RNF24: variants seen among roughly 807,000 people sequenced by gnomAD.
RNF24 encodes ring finger protein 24.
RNF24 carries 14 observed loss-of-function variants against 20.0 expected under a neutral mutation model. The observed-to-expected ratio is 0.70, with a 90% CI of 0.46 to 1.10. The LOEUF (loss-of-function observed/expected upper bound fraction) is 1.10. Among genes scored for constraint, RNF24 ranks in the 50% least tolerant of loss-of-function variants. The pLI is 0.00. For missense variants in RNF24, 124 were observed against 177.6 expected, an observed-to-expected ratio of 0.70 and a Z score of 1.71; for synonymous variants, 45 against 61.1, an observed-to-expected ratio of 0.74 and a Z score of 1.23.
At chr20:4,007,274 T>C (rs1981946133) in intron 1 of RNF24, among the ~76,000 whole-genome samples, 2 of 152,180 alleles carry the variant, frequency 1.3e-5, no homozygotes, top group Admixed American at 1.3e-4. Context: ...GCAGAAAAGC[T>C]GTAGGAATCC....
At chr20:3,984,948 A>G (rs375897583) in intron 1 of RNF24, among the ~76,000 whole-genome samples, 5 of 152,050 alleles carry the variant, frequency 3.3e-5, no homozygotes, top group East Asian at 3.9e-4. Flanking sequence ...GCAAAAGTCT[A>G]TTTTTCTACA....
At chr20:3,995,309 C>T (rs1980771700) in intron 1 of RNF24, among the ~76,000 whole-genome samples, 1 of 152,078 alleles carries the variant, frequency 6.6e-6, no homozygotes, top group Non-Finnish European at 1.5e-5. Context: ...GCCTGAGCCA[C>T]ATCTCCCTGG....
chr20:3,939,068 A>AT (rs1254733284), intron 4 of RNF24, among the ~76,000 whole-genome samples: 9 of 152,048 alleles, frequency 5.9e-5, no homozygotes, highest in South Asian at 2.1e-4. Context: ...AAGTTTAACT[A>AT]TTTTTTCTTA....
intron 1 of RNF24, among the ~76,000 whole-genome samples, chr20:4,011,306 C>T (rs907076441): frequency 2.0e-5 from 3 of 152,176 alleles, no homozygotes; most frequent in Non-Finnish European, 4.4e-5. Context: ...CATTTCCAGA[C>T]ATGTAACTTC....
At chr20:3,939,570 C>A (rs2090931325) in intron 4 of RNF24, among the ~76,000 whole-genome samples, 1 of 152,124 alleles carries the variant, frequency 6.6e-6, no homozygotes, top group Non-Finnish European at 1.5e-5. Context: ...TATCAATATA[C>A]CTGTGTCACA....
At chr20:3,985,688 T>G (rs148304658) in intron 1 of RNF24, among the ~76,000 whole-genome samples, 1 of 151,394 alleles carries the variant, frequency 6.6e-6, no homozygotes, top group Admixed American at 6.6e-5. Flanking sequence ...TACTCTGCCA[T>G]ATTCCTAGTA....
rs2090764798 is a variant in RNF24, at chr20:3,928,642, A to G, written c.*5421T>C. ...CGTGGTGGCGGGCACCTGTTGTCCC[A>G]GCTCCCGAGGCGGGAGAATGGCGTG... On this transcript the variant is annotated 3_prime_UTR_variant, in exon 6 of 6. Coordinates refer to ENST00000358395, the MANE Select transcript of RNF24 (RefSeq NM_001134337.3). The G allele has an allele frequency of 6.8e-6, 1 of 147,268 alleles. No individual in the cohort carries two copies. The highest frequency in any genetic ancestry group is 2.2e-4 in the South Asian group (1 of 4,502). The allele number at this position is 147,268 out of a possible 1,614,324, so 9.1% of individuals were successfully genotyped here.
intron 1 of RNF24, among the ~76,000 whole-genome samples, chr20:3,977,364 T>G (rs1344906398): frequency 6.6e-6 from 1 of 152,086 alleles, no homozygotes; most frequent in Non-Finnish European, 1.5e-5. Flanking sequence ...TGTTTTAAAA[T>G]GTAGGGAGCC....
intron 2 of RNF24, among the ~76,000 whole-genome samples, chr20:3,954,771 C>T (rs182545090): frequency 2.5e-3 from 385 of 151,750 alleles, no homozygotes; most frequent in African/African-American, 9.1e-3. Context: ...TGGTGGCAGG[C>T]GCCTGTAATC....
At chr20:3,977,434 G>A (rs1471667349) in intron 1 of RNF24, among the ~76,000 whole-genome samples, 2 of 152,072 alleles carry the variant, frequency 1.3e-5, no homozygotes, top group Non-Finnish European at 2.9e-5. Context: ...AAGAAACCTG[G>A]ATAATTTCAG....
intron 3 of RNF24, among the ~76,000 whole-genome samples, chr20:3,946,693 CAAAAAAAAA>C (rs59440287): frequency 2.9e-5 from 3 of 104,428 alleles, no homozygotes; most frequent in Admixed American, 2.1e-4. Flanking sequence ...GAGACCCCGT[CAAAAAAAAA>C]AAAAAAAAAA....
rs557313167 is a variant in RNF24 at position 3,929,964 on chromosome 20, A to T, written c.*4099T>A. On this transcript the variant is annotated 3_prime_UTR_variant, in exon 6 of 6. Transcript: ENST00000358395. Reference sequence around the variant, plus strand: ...TCTGATTTCTGGGATGGCTCTTCCCACATTAGTAGGAGCGTTCCTTGAATA... The same window carrying T: ...TCTGATTTCTGGGATGGCTCTTCCCTCATTAGTAGGAGCGTTCCTTGAATA... 1 of 147,374 alleles carries T rather than the reference A, an allele frequency of 6.8e-6. No homozygotes were observed. Among genetic ancestry groups the T allele is most frequent in the East Asian group, 1.9e-4 (1 of 5,186 alleles). The allele number at this position is 147,374 out of a possible 1,614,324, so 9.1% of individuals were successfully genotyped here.
At chr20:3,984,402 G>A (rs1979703338) in intron 1 of RNF24, among the ~76,000 whole-genome samples, 1 of 152,132 alleles carries the variant, frequency 6.6e-6, no homozygotes, top group South Asian at 2.1e-4. Flanking sequence ...ACCAGACACT[G>A]TAATGCAGCA....
In RNF24 at chr20:3,929,689, G is replaced by T. The variant is rs1239299564; in HGVS notation, c.*4374C>A. The T allele has an allele frequency of 1.3e-5, 2 of 152,304 alleles. No individual in the cohort carries two copies. Among genetic ancestry groups the T allele is most frequent in the African/African-American group, 4.8e-5 (2 of 41,468 alleles). The allele number at this position is 152,304 out of a possible 1,614,324, so 9.4% of individuals were successfully genotyped here. On this transcript the variant is annotated 3_prime_UTR_variant, in exon 6 of 6. Transcript: ENST00000358395. ...ACCTGCAGAGGCTGCTCAGAGCTGG[G>T]AGAGGCCTGTGCCACTGCTGTCAGC...
chr20:3,975,935 C>T (rs1206722042), intron 1 of RNF24, among the ~76,000 whole-genome samples: 1 of 151,960 alleles, frequency 6.6e-6, no homozygotes, highest in African/African-American at 2.4e-5. Context: ...TATAGGAGTG[C>T]ACCACCATGC....
chr20:3,982,698 G>A (rs781480668), intron 1 of RNF24, among the ~76,000 whole-genome samples: 4 of 152,030 alleles, frequency 2.6e-5, no homozygotes, highest in Non-Finnish European at 5.9e-5. Context: ...ACTAGCCTGG[G>A]CAACATAGGG....
At chr20:3,989,497 A>AT (rs1441330410) in intron 1 of RNF24, among the ~76,000 whole-genome samples, 25 of 152,070 alleles carry the variant, frequency 1.6e-4, no homozygotes, top group East Asian at 7.7e-4. Flanking sequence ...TCTCAAAAAA[A>AT]AAAAATAAAA....
chr20:3,959,197 G>A (rs2091175128), intron 2 of RNF24, among the ~76,000 whole-genome samples: 1 of 152,026 alleles, frequency 6.6e-6, no homozygotes, highest in South Asian at 2.1e-4. Context: ...CTCTGAAATG[G>A]AATCTATCAT....
intron 4 of RNF24, among the ~76,000 whole-genome samples, chr20:3,944,624 G>C (rs1215687572): frequency 6.6e-6 from 1 of 152,182 alleles, no homozygotes; most frequent in East Asian, 1.9e-4. Context: ...TATAGGCTAT[G>C]TATCTTAATG....
Sources: gnomAD v4.1 joint callset for allele counts (sites outside exome capture counted in the v4.1 genomes callset) on GRCh38, gnomAD v4.1.1 for gene constraint, MANE v1.5 for transcripts, NCBI Gene and HGNC (gene_info 2026-07-23, HGNC 2026-07-21) for gene names.